Variants in DRC1 observed in about 807,000 individuals in gnomAD.
DRC1 encodes dynein regulatory complex protein 1.
In DRC1, 74 loss-of-function variants were observed where a neutral mutation model predicts 98.7. That is an observed-to-expected ratio of 0.75 (90% CI 0.62 to 0.91). DRC1 has a LOEUF of 0.91. Among genes scored for constraint, DRC1 ranks in the 40% least tolerant of loss-of-function variants. DRC1 has a pLI of 0.00. For missense variants in DRC1, 875 were observed against 886.0 expected, an observed-to-expected ratio of 0.99 and a Z score of 0.16; for synonymous variants, 336 against 334.1, an observed-to-expected ratio of 1.01 and a Z score of -0.06.
Position 26,415,582 on chromosome 2 carries a change from A to T in DRC1, c.243+1151A>T, listed in dbSNP as rs570462055. 4.6e-5 allele frequency among the ~76,000 whole-genome samples: 7 copies of T among 152,264 alleles called. No individual in the cohort carries two copies. The South Asian group carries it at 1.5e-3, about 32-fold the overall frequency. The stretch of plus-strand genomic sequence containing the variant: ...GGTTTTTGTTCCTGATCTCTTACCT[A>T]CTGCAGAGTAGATGATTCATGTCAC... On this transcript the variant is annotated intron_variant, in intron 2 of 16. Coordinates refer to ENST00000288710, the MANE Select transcript of DRC1 (RefSeq NM_145038.5).
At chr2:26,431,821 C>T in intron 6 of DRC1, 63 bp from the exon 7 acceptor site, 1 of 1,598,818 alleles carries the variant, frequency 6.3e-7, no homozygotes, top group Non-Finnish European at 8.5e-7. Context: ...GGCAGGCCAT[C>T]CGAAGGATTG....
In DRC1 at chr2:26,453,386, T is replaced by C. The variant is rs752596409; in HGVS notation, c.1756T>C (p.Leu586=). ...GGAGGAGACAAGCACGAGGTCAGAA[T>C]TGGAGCTGGCAGAGCAGACGGAGAT... ...SMEETSTRSE[L]ELAEQTEMEG... Residue 586 remains leucine, a synonymous_variant, in exon 14 of 17, where the codon TTG becomes CTG. Coordinates refer to ENST00000288710, the MANE Select transcript of DRC1 (RefSeq NM_145038.5). 6.8e-6 allele frequency: 11 copies of C among 1,613,898 alleles called. No homozygotes were observed. The highest frequency in any genetic ancestry group is 2.2e-5 in the East Asian group (1 of 44,882).
intron 5 of DRC1, among the ~76,000 whole-genome samples, chr2:26,430,299 C>G (rs1054752964): frequency 3.3e-5 from 5 of 152,116 alleles, no homozygotes; most frequent in Non-Finnish European, 5.9e-5. Flanking sequence ...AGATTTAGCC[C>G]TTTCCAAGAT....
Position 26,450,732 on chromosome 2 carries a change from T to G in DRC1, c.1689+51T>G. 2.2e-6 allele frequency: 3 copies of G among 1,368,332 alleles called. No homozygotes were observed. In the East Asian group the frequency reaches 8.2e-5, roughly 37 times the overall value. The allele number at this position is 1,368,332 out of a possible 1,614,324, so 84.8% of individuals were successfully genotyped here. A position where few individuals can be genotyped will look rare whatever the true frequency, so the allele number is the denominator to read the frequency against. ...AGCATTTTCTTTCTTTCTTATTTAT[T>G]TATTTATTTTATTATACTTTAAGTT... On this transcript the variant is annotated intron_variant, in intron 13 of 16. Transcript: ENST00000288710.
At chr2:26,446,309 G>A (rs1663851609) in intron 10 of DRC1, among the ~76,000 whole-genome samples, 1 of 151,966 alleles carries the variant, frequency 6.6e-6, no homozygotes, top group African/African-American at 2.4e-5. Flanking sequence ...TGTTGCCCAG[G>A]CTGGTCTCAA....
At chr2:26,450,108 G>A in intron 12 of DRC1, 23 bp downstream of exon 12, 1 of 1,603,560 alleles carries the variant, frequency 6.2e-7, no homozygotes, top group Non-Finnish European at 8.5e-7. Context: ...GGGCTGGGAG[G>A]ACACGGGTGG....
rs905499470 is a variant in DRC1, at chr2:26,438,236, A to T, written c.889-2142A>T. Among the ~76,000 whole-genome samples, 14 of 152,288 alleles carry T rather than the reference A, an allele frequency of 9.2e-5. No individual in the cohort carries two copies. The East Asian group carries it at 2.5e-3, about 27-fold the overall frequency. On this transcript the variant is annotated intron_variant, in intron 7 of 16. Transcript: ENST00000288710. ...GTTTGATTCCAACTATGTAAAGGAC[A>T]GTGGAGGGAAACACGCCAACATTAA...
chr2:26,403,795 CAAAAA>C (rs397870483), intron 1 of DRC1, among the ~76,000 whole-genome samples: 2 of 77,280 alleles, frequency 2.6e-5, no homozygotes, highest in Non-Finnish European at 2.4e-5. Flanking sequence ...AACTCCATCT[CAAAAA>C]AAAAAAAAAA....
intron 8 of DRC1, 47 bp from the exon 9 acceptor site, chr2:26,444,175 A>T (rs747821772): frequency 5.6e-6 from 9 of 1,612,170 alleles, no homozygotes; most frequent in Non-Finnish European, 7.6e-6. Flanking sequence ...GAACATACAT[A>T]ATACCTTCTA....
chr2:26,437,193 C>T (rs1249962161), intron 7 of DRC1, among the ~76,000 whole-genome samples: 2 of 152,180 alleles, frequency 1.3e-5, no homozygotes, highest in African/African-American at 2.4e-5. Flanking sequence ...TTCTGAGAAT[C>T]CCTTTCCTGG....
Position 26,437,612 on chromosome 2 carries a change from C to T in DRC1, c.889-2766C>T, listed in dbSNP as rs186039359. On this transcript the variant is annotated intron_variant, in intron 7 of 16. Transcript: ENST00000288710. ...TTTTGACTTAGTCATTTCACTTCTA[C>T]GAATCTACCATAAGGAAATAAATTT... is the stretch of plus-strand genomic sequence containing the variant. Among the ~76,000 whole-genome samples the T allele has an allele frequency of 1.1e-3, 169 of 152,122 alleles. 1 individual carries two copies. Among genetic ancestry groups the T allele is most frequent in the African/African-American group, 1.5e-3 (61 of 41,478 alleles).
In DRC1 at chr2:26,454,940, G is replaced by A; in HGVS notation, c.2063+150G>A. Reference sequence around the variant, plus strand: ...CTCCTGTGTGGGTGGATCATGTGGGGCAGTTGGCTCTTGGGCCCTGGCCTG... The same window carrying A: ...CTCCTGTGTGGGTGGATCATGTGGGACAGTTGGCTCTTGGGCCCTGGCCTG... On this transcript the variant is annotated intron_variant, in intron 15 of 16. Coordinates refer to ENST00000288710, the MANE Select transcript of DRC1 (RefSeq NM_145038.5). This position sits in a 1 kb window ranked among gnomAD's most constrained non-coding sequence, Gnocchi z 5.2. 7.0e-7 allele frequency: 1 copy of A among 1,433,832 alleles called. No individual in the cohort carries two copies. The highest frequency in any genetic ancestry group is 1.8e-5 in the Admixed American group (1 of 54,184). 88.8% of individuals were successfully genotyped at this position (1,433,832 alleles called of 1,614,324 possible). A position where few individuals can be genotyped will look rare whatever the true frequency, so the allele number is the denominator to read the frequency against.
Position 26,444,814 on chromosome 2 carries a change from G to A in DRC1, c.1262G>A (p.Arg421Lys), listed in dbSNP as rs756149867. Residue 421 changes from arginine to lysine, a missense_variant, in exon 10 of 17, where the codon AGG (arginine) becomes AAG (lysine). Physicochemically the swap from Arg to Lys is conservative, Grantham distance 26. Coordinates refer to ENST00000288710, the MANE Select transcript of DRC1 (RefSeq NM_145038.5). ...ATAGCCAGAGCCTTTGATGTGGACA[G>A]GATCATCCACACCCATCATCTGGGG... ...DLIARAFDVDRIIHTHHLGLP... is the reference protein window; with the variant it reads ...DLIARAFDVDKIIHTHHLGLP... 2 of 1,614,184 alleles carry A rather than the reference G, an allele frequency of 1.2e-6. No individual in the cohort carries two copies. The highest frequency in any genetic ancestry group is 1.7e-6 in the Non-Finnish European group (2 of 1,180,044).
chr2:26,416,304 A>G (rs1020012198), intron 2 of DRC1, among the ~76,000 whole-genome samples: 10 of 151,890 alleles, frequency 6.6e-5, no homozygotes, highest in African/African-American at 1.7e-4. Context: ...GCTGGAGTGC[A>G]GTGGTGCAAT....
At chr2:26,442,884 G>T (rs548514124) in intron 8 of DRC1, among the ~76,000 whole-genome samples, 1 of 152,208 alleles carries the variant, frequency 6.6e-6, no homozygotes, top group Non-Finnish European at 1.5e-5. Context: ...CTGCTATCTT[G>T]CCCAGACCTT....
At chr2:26,444,184 T>C (rs1358808966) in intron 8 of DRC1, 38 bp from the exon 9 acceptor site, 1 of 1,613,382 alleles carries the variant, frequency 6.2e-7, no homozygotes, top group Non-Finnish European at 8.5e-7. Flanking sequence ...TAATACCTTC[T>C]ATTCAGCTGC....
At chr2:26,419,315 G>A (rs1007594531) in intron 2 of DRC1, among the ~76,000 whole-genome samples, 3 of 152,128 alleles carry the variant, frequency 2.0e-5, no homozygotes, top group African/African-American at 7.2e-5. Flanking sequence ...TGGTCTGTTG[G>A]TGGCTGACAT....
At chr2:26,402,518 C>A (rs1208570822) in intron 1 of DRC1, among the ~76,000 whole-genome samples, 1 of 152,222 alleles carries the variant, frequency 6.6e-6, no homozygotes, top group Non-Finnish European at 1.5e-5. Flanking sequence ...TGGCTGCTTA[C>A]ACTGTGGCCT....
In DRC1 at chr2:26,431,895, TAAC is replaced by T; in HGVS notation, c.781_783del (p.Asn261del). The T allele has an allele frequency of 1.2e-6, 2 of 1,613,850 alleles. No individual in the cohort carries two copies. Among genetic ancestry groups the T allele is most frequent in the Non-Finnish European group, 1.7e-6 (2 of 1,179,820 alleles). On this transcript the variant is annotated inframe_deletion, in exon 7 of 17. Transcript: ENST00000288710. ...TCCTGTGCCTTTAGCTGGAGTATCT[TAAC>T]AACCGCATGAAGAAAGTAGAGGACT...
Sources: gnomAD v4.1 joint callset for allele counts (sites outside exome capture counted in the v4.1 genomes callset) on GRCh38, gnomAD v4.1.1 for gene constraint, Gnocchi (gnomAD v3.1) non-coding constraint, MANE v1.5 for transcripts, NCBI Gene and HGNC (gene_info 2026-07-23, HGNC 2026-07-21) for gene names.